Variants in PARD3B observed in about 807,000 individuals in gnomAD.
The protein encoded by PARD3B is par-3 family cell polarity regulator beta.
Under a neutral mutation model 130.2 loss-of-function variants are expected in PARD3B, and 103 were observed. That is an observed-to-expected ratio of 0.79 (90% CI 0.67 to 0.93). The LOEUF (loss-of-function observed/expected upper bound fraction) is 0.93, where lower values mean the gene tolerates loss of function less well. Ranked by LOEUF, PARD3B falls within the 40% of genes least tolerant of loss-of-function variation. PARD3B has a pLI of 0.00. For missense variants in PARD3B, 1,609 were observed against 1,499.2 expected, an observed-to-expected ratio of 1.07 and a Z score of -1.21; for synonymous variants, 583 against 553.2, an observed-to-expected ratio of 1.05 and a Z score of -0.76.
chr2:204,666,521 T>C (rs2036030598), intron 1 of PARD3B, among the ~76,000 whole-genome samples: 1 of 152,128 alleles, frequency 6.6e-6, no homozygotes, highest in African/African-American at 2.4e-5. Context: ...ATTGCTGTAG[T>C]GAGAGCAAGA....
chr2:205,034,469 G>T (rs529130000), intron 3 of PARD3B, among the ~76,000 whole-genome samples: 1 of 152,276 alleles, frequency 6.6e-6, no homozygotes, highest in South Asian at 2.1e-4. Flanking sequence ...GTTGTGTGCT[G>T]ATGTATCCAA....
chr2:204,747,894 C>T (rs1246613755), intron 2 of PARD3B, among the ~76,000 whole-genome samples: 1 of 151,920 alleles, frequency 6.6e-6, no homozygotes, highest in Non-Finnish European at 1.5e-5. Flanking sequence ...ATTTACTAGG[C>T]TTAGGCTGTA....
At chr2:205,557,277 T>C (rs2052932073) in intron 22 of PARD3B, among the ~76,000 whole-genome samples, 1 of 152,176 alleles carries the variant, frequency 6.6e-6, no homozygotes, top group South Asian at 2.1e-4. Flanking sequence ...CCGTCCAGCT[T>C]TTTTTGTAGT....
At chr2:204,548,986 T>TA (rs2030229356) in intron 1 of PARD3B, among the ~76,000 whole-genome samples, 1 of 152,236 alleles carries the variant, frequency 6.6e-6, no homozygotes, top group African/African-American at 2.4e-5. Context: ...TTGAGGTTTC[T>TA]AAAGTTTGGA....
intron 4 of PARD3B, among the ~76,000 whole-genome samples, chr2:205,081,386 T>G (rs1701393561): frequency 6.6e-6 from 1 of 152,094 alleles, no homozygotes; most frequent in Admixed American, 6.5e-5. Flanking sequence ...AAAATATAGA[T>G]TTACTTATTA....
At chr2:204,563,172 A>G (rs890668144) in intron 1 of PARD3B, among the ~76,000 whole-genome samples, 1 of 150,500 alleles carries the variant, frequency 6.6e-6, no homozygotes, top group Non-Finnish European at 1.5e-5. Flanking sequence ...CTATGGCAGC[A>G]TAACTCCAAT....
At chr2:204,793,008 T>C (rs2042250508) in intron 2 of PARD3B, among the ~76,000 whole-genome samples, 1 of 152,164 alleles carries the variant, frequency 6.6e-6, no homozygotes, top group South Asian at 2.1e-4. Flanking sequence ...TTTAGGCTGC[T>C]TTTTAATCCT....
rs144124785 is a variant in PARD3B at position 205,162,634 on chromosome 2, C to T, written c.1620+3727C>T. ...AAGAATTATGAGCAGAATGAAGTTA[C>T]GACATCCATGAGAATGATTTTCTAA... On this transcript the variant is annotated intron_variant, in intron 11 of 22. Coordinates refer to ENST00000406610, the MANE Select transcript of PARD3B (RefSeq NM_001302769.2). Among the ~76,000 whole-genome samples the T allele has an allele frequency of 1.1e-3, 170 of 152,304 alleles. 2 individuals are homozygous for T. The highest frequency in any genetic ancestry group is 3.6e-3 in the African/African-American group (149 of 41,562).
At chr2:205,328,204 G>A (rs1041205022) in intron 18 of PARD3B, among the ~76,000 whole-genome samples, 9 of 152,140 alleles carry the variant, frequency 5.9e-5, no homozygotes, top group African/African-American at 2.2e-4. Flanking sequence ...AAGTCAGAGA[G>A]AAACTCATTT....
intron 10 of PARD3B, among the ~76,000 whole-genome samples, chr2:205,153,932 G>A (rs986651678): frequency 1.3e-5 from 2 of 152,068 alleles, no homozygotes; most frequent in South Asian, 2.1e-4. Flanking sequence ...AGACCTAAAA[G>A]CATAAAAACC....
chr2:204,955,993 C>T lies in PARD3B; in HGVS notation c.223-9159C>T, dbSNP rs533444584. On this transcript the variant is annotated intron_variant, in intron 2 of 22. Transcript: ENST00000406610. ...GAAGAACTTGAAGCTGGGCCAAGAC[C>T]ACACCCAGATCTGTTTGCTGGAAAG... Among the ~76,000 whole-genome samples the T allele has an allele frequency of 3.3e-5, 5 of 152,178 alleles. No individual in the cohort carries two copies. In the South Asian group the frequency reaches 1.0e-3, roughly 32 times the overall value.
intron 4 of PARD3B, among the ~76,000 whole-genome samples, chr2:205,077,289 C>T (rs1174903801): frequency 6.6e-6 from 1 of 152,080 alleles, no homozygotes; most frequent in Non-Finnish European, 1.5e-5. Flanking sequence ...CAGAACTTTG[C>T]TTGGTTTTGT....
At position 205,280,784 on chromosome 2, in the gene PARD3B, G is replaced by C. The variant is rs1233068340; in HGVS notation, c.2186-19746G>C. Among the ~76,000 whole-genome samples the C allele has an allele frequency of 6.6e-6, 1 of 152,210 alleles. No individual in the cohort carries two copies. Among genetic ancestry groups the C allele is most frequent in the Non-Finnish European group, 1.5e-5 (1 of 68,028 alleles). On this transcript the variant is annotated intron_variant, in intron 16 of 22. Transcript: ENST00000406610. The surrounding 1 kb of genome is among the most constrained non-coding windows in gnomAD (Gnocchi z 4.7). ...TGGGTAGAATTTGTTGAGGCCTAAA[G>C]AAGTAAGCTCTTGATGGATGGGGAA...
rs1481195918 is a variant in PARD3B at position 205,263,024 on chromosome 2, G to T, written c.2185+17202G>T. Reference sequence around the variant, plus strand: ...CCTACCAAAAGACAATACAGAGCTAGATTGAAAGCCCAAGGTACTGCCATG... The same window carrying T: ...CCTACCAAAAGACAATACAGAGCTATATTGAAAGCCCAAGGTACTGCCATG... On this transcript the variant is annotated intron_variant, in intron 16 of 22. Transcript: ENST00000406610. The surrounding 1 kb of genome is among the most constrained non-coding windows in gnomAD (Gnocchi z 4.0). 6.6e-6 allele frequency among the ~76,000 whole-genome samples: 1 copy of T among 152,026 alleles called. No individual in the cohort carries two copies. The highest frequency in any genetic ancestry group is 1.9e-4 in the East Asian group (1 of 5,192).
At chr2:205,489,497 G>C (rs1034354358) in intron 20 of PARD3B, among the ~76,000 whole-genome samples, 24 of 60,768 alleles carry the variant, frequency 3.9e-4, no homozygotes, top group African/African-American at 1.2e-3. Context: ...ATATATGTGT[G>C]TATATATATA....
intron 15 of PARD3B, among the ~76,000 whole-genome samples, chr2:205,239,958 G>T (rs950256245): frequency 6.6e-6 from 1 of 152,090 alleles, no homozygotes; most frequent in Non-Finnish European, 1.5e-5. Context: ...GTGGGTGTGT[G>T]TTTGTGTGTG....
At chr2:205,395,647 A>G (rs567764440) in intron 18 of PARD3B, among the ~76,000 whole-genome samples, 9 of 152,174 alleles carry the variant, frequency 5.9e-5, no homozygotes, top group Non-Finnish European at 1.2e-4. Context: ...ACCATTTCCA[A>G]ATGACTATCT....
intron 1 of PARD3B, among the ~76,000 whole-genome samples, chr2:204,667,081 C>G (rs2036059248): frequency 6.6e-6 from 1 of 152,126 alleles, no homozygotes; most frequent in Non-Finnish European, 1.5e-5. Flanking sequence ...TGAGGAAATG[C>G]TGAGTAGGCC....
intron 2 of PARD3B, among the ~76,000 whole-genome samples, chr2:204,795,302 A>T (rs541102852): frequency 1.3e-5 from 2 of 152,300 alleles, no homozygotes; most frequent in East Asian, 3.9e-4. Context: ...GTGATTGGAG[A>T]CATTCCTTCA....
Sources: allele counts gnomAD v4.1 joint callset (sites outside exome capture counted in the v4.1 genomes callset), GRCh38; gene constraint gnomAD v4.1.1; non-coding constraint Gnocchi (gnomAD v3.1); transcripts MANE v1.5; gene names NCBI Gene and HGNC (gene_info 2026-07-23, HGNC 2026-07-21).